Variants in ZSWIM6 observed in about 807,000 individuals in gnomAD.
ZSWIM6 encodes the protein zinc finger SWIM-type containing 6, also known as zinc finger SWIM domain-containing protein 6.
ZSWIM6 carries 9 observed loss-of-function variants against 113.2 expected under a neutral mutation model. The ratio of observed to expected loss-of-function variants is 0.08; its 90% CI spans 0.05 to 0.14. The LOEUF (loss-of-function observed/expected upper bound fraction) is 0.14, where lower values mean the gene tolerates loss of function less well. Ranked by LOEUF, ZSWIM6 falls within the 10% of genes least tolerant of loss-of-function variation. ZSWIM6 has a pLI of 1.00. For missense variants in ZSWIM6, 1,162 were observed against 1,552.2 expected (o/e 0.75, Z 4.22); for synonymous variants, 611 against 606.5 (o/e 1.01, Z -0.11).
intron 1 of ZSWIM6, among the ~76,000 whole-genome samples, chr5:61,368,882 T>G (rs1354281794): frequency 6.6e-6 from 1 of 152,230 alleles, no homozygotes. Context: ...TATGAACTTC[T>G]GTAGCTCACT....
Position 61,412,021 on chromosome 5 carries a change from A to C in ZSWIM6, c.677-60660A>C, listed in dbSNP as rs899793961. 4.6e-5 allele frequency among the ~76,000 whole-genome samples: 7 copies of C among 152,356 alleles called. No homozygotes were observed. In the South Asian group the frequency reaches 1.4e-3, roughly 32 times the overall value. ...CAATGTAACCACAATAAATTGATTT[A>C]ATTTCAGCCCACAAGAAATGAAAAA... On this transcript the variant is annotated intron_variant, in intron 1 of 13. Transcript: ENST00000252744.
At chr5:61,542,897 G>T (rs191797142) in intron 13 of ZSWIM6, among the ~76,000 whole-genome samples, 1 of 152,244 alleles carries the variant, frequency 6.6e-6, no homozygotes, top group African/African-American at 2.4e-5. Flanking sequence ...GGGATATTGG[G>T]TCTGTGAACG....
Position 61,525,923 on chromosome 5 carries a change from A to G in ZSWIM6, c.1637A>G (p.His546Arg), listed in dbSNP as rs766238385. The stretch of plus-strand genomic sequence containing the variant: ...GACCTATACACCAACTACTGTTACC[A>G]TGACGACACTGAAAACTCCCTCTTC... Reference protein sequence around the residue: ...SSDLYTNYCYHDDTENSLFDS... With the variant: ...SSDLYTNYCYRDDTENSLFDS... Residue 546 changes from histidine to arginine, a missense_variant, in exon 6 of 14, where the codon CAT becomes CGT. Transcript: ENST00000252744. The G allele has an allele frequency of 3.2e-6, 5 of 1,552,202 alleles. No homozygotes were observed. Among genetic ancestry groups the G allele is most frequent in the Middle Eastern group, 1.7e-4 (1 of 5,996 alleles).
At chr5:61,386,649 A>C (rs1201355106) in intron 1 of ZSWIM6, among the ~76,000 whole-genome samples, 1 of 152,194 alleles carries the variant, frequency 6.6e-6, no homozygotes, top group East Asian at 1.9e-4. Flanking sequence ...TGGTAGAATT[A>C]GGGCTTTGAC....
At chr5:61,530,613 C>G (rs1749404490) in intron 8 of ZSWIM6, among the ~76,000 whole-genome samples, 1 of 152,176 alleles carries the variant, frequency 6.6e-6, no homozygotes, top group Non-Finnish European at 1.5e-5. Context: ...TTTTAGTCTA[C>G]TTTAAGGGGG....
intron 2 of ZSWIM6, 106 bp downstream of exon 2, chr5:61,473,143 C>T: frequency 1.4e-6 from 1 of 721,274 alleles, no homozygotes; most frequent in Non-Finnish European, 2.1e-6. Context: ...AGATCATCAG[C>T]ATTGCTCTTA....
At position 61,544,803 on chromosome 5, in the gene ZSWIM6, A is replaced by G. The variant is rs1749844086; in HGVS notation, c.*486A>G. On this transcript the variant is annotated 3_prime_UTR_variant, in exon 14 of 14. Transcript: ENST00000252744. ...TTTAAACAAACCAACAAAATGAAAT[A>G]CTAATAGTAAAAAGGCTGACCCATG... 1 of 152,298 alleles carries G rather than the reference A, an allele frequency of 6.6e-6. No individual in the cohort carries two copies. The highest frequency in any genetic ancestry group is 2.4e-5 in the African/African-American group (1 of 41,438). 9.4% of individuals were successfully genotyped at this position (152,298 alleles called of 1,614,324 possible).
At chr5:61,435,581 A>G (rs1193427937) in intron 1 of ZSWIM6, among the ~76,000 whole-genome samples, 3 of 152,234 alleles carry the variant, frequency 2.0e-5, no homozygotes, top group African/African-American at 4.8e-5. Flanking sequence ...CTTCTGATAG[A>G]TGTTCCAAAT....
chr5:61,459,021 G>A (rs1239474758), intron 1 of ZSWIM6, among the ~76,000 whole-genome samples: 2 of 152,030 alleles, frequency 1.3e-5, no homozygotes, highest in Non-Finnish European at 2.9e-5. Context: ...ACACATATTT[G>A]ATTCTGAAGC....
At chr5:61,521,058 T>G (rs1749103026) in intron 4 of ZSWIM6, among the ~76,000 whole-genome samples, 1 of 152,110 alleles carries the variant, frequency 6.6e-6, no homozygotes, top group East Asian at 1.9e-4. Flanking sequence ...TAAGGAGAAT[T>G]AAGTTATAAA....
At chr5:61,393,212 T>C (rs188564131) in intron 1 of ZSWIM6, among the ~76,000 whole-genome samples, 1 of 151,366 alleles carries the variant, frequency 6.6e-6, no homozygotes, top group Non-Finnish European at 1.5e-5. Context: ...GACTAATTTT[T>C]TTTTTTTGTA....
chr5:61,543,920 A>G lies in ZSWIM6; in HGVS notation c.3251A>G (p.Lys1084Arg). Residue 1084 changes from lysine (K) to arginine (R), a missense_variant, in exon 14 of 14, where the codon AAA (lysine) becomes AGA (arginine). Around this residue, in one of 4 missense-constraint regions of ZSWIM6, gnomAD observed 113 missense variants for 213.8 expected, o/e 0.53. Transcript: ENST00000252744. This position sits in a 1 kb window ranked among gnomAD's most constrained non-coding sequence, Gnocchi z 4.3. ...WACALSHSLG[K>R]NELAAIIPLV... is the part of the protein sequence containing the mutation. ...TGTGCGCTTAGCCACTCCCTTGGTAAAAATGAGCTTGCAGCTATAATACCT... is the reference window on the plus strand; with the variant it reads ...TGTGCGCTTAGCCACTCCCTTGGTAGAAATGAGCTTGCAGCTATAATACCT... 1 of 1,551,862 alleles carries G rather than the reference A, an allele frequency of 6.4e-7. No homozygotes were observed. Among genetic ancestry groups the G allele is most frequent in the East Asian group, 2.4e-5 (1 of 40,914 alleles).
chr5:61,417,189 A>G (rs1746276042), intron 1 of ZSWIM6, among the ~76,000 whole-genome samples: 1 of 152,216 alleles, frequency 6.6e-6, no homozygotes, highest in Non-Finnish European at 1.5e-5. Flanking sequence ...ATCTGCCTGT[A>G]GACTAATGGA....
rs760079769 is a variant in ZSWIM6 at position 61,538,840 on chromosome 5, C to T, written c.2408C>T (p.Pro803Leu). 3.9e-6 allele frequency: 6 copies of T among 1,552,042 alleles called. No individual in the cohort carries two copies. The highest frequency in any genetic ancestry group is 5.2e-6 in the Non-Finnish European group (6 of 1,146,990). ...MRLLVLESTA[P>L]SGDLTRPHHI... is the part of the protein sequence containing the mutation. Reference sequence around the variant, plus strand: ...TTACTAGTATTGGAATCTACTGCTCCATCAGGAGACCTCACCCGCCCACAC... The same window carrying T: ...TTACTAGTATTGGAATCTACTGCTCTATCAGGAGACCTCACCCGCCCACAC... The change falls in exon 11 of 14, where the codon CCA (proline) becomes CTA (leucine). Residue 803 changes from proline (P) to leucine (L), a missense_variant. This residue lies in a region of ZSWIM6 where 620 missense variants were observed against 804.6 expected (regional missense o/e 0.77). Transcript: ENST00000252744.
intron 1 of ZSWIM6, among the ~76,000 whole-genome samples, chr5:61,465,259 A>G (rs1261149320): frequency 6.6e-6 from 1 of 152,170 alleles, no homozygotes; most frequent in Non-Finnish European, 1.5e-5. Context: ...CCCCCTCCCC[A>G]ACTGCCCACC....
chr5:61,470,084 G>C (rs1335436154), intron 1 of ZSWIM6, among the ~76,000 whole-genome samples: 3 of 152,162 alleles, frequency 2.0e-5, no homozygotes, highest in Admixed American at 6.5e-5. Flanking sequence ...TTAACGCTTG[G>C]ATCCTTAATT....
At chr5:61,494,185 T>C (rs1316655389) in intron 3 of ZSWIM6, 75 bp from the exon 4 acceptor site, 1 of 1,458,750 alleles carries the variant, frequency 6.9e-7, no homozygotes, top group African/African-American at 1.4e-5. Flanking sequence ...TGGTGGTTTG[T>C]CTCTTGTGTT....
chr5:61,545,906 T>G lies in ZSWIM6; in HGVS notation c.*1589T>G, dbSNP rs1204499533. On this transcript the variant is annotated 3_prime_UTR_variant, in exon 14 of 14. Transcript: ENST00000252744. The stretch of plus-strand genomic sequence containing the variant: ...AAGTTGTCCAGTGTCTCTTGTTCCC[T>G]TCACTAGAGAACATGCTTAGAGGTA... The G allele has an allele frequency of 2.0e-5, 3 of 152,178 alleles. No homozygotes were observed. Among genetic ancestry groups the G allele is most frequent in the African/African-American group, 2.4e-5 (1 of 41,442 alleles). The allele number at this position is 152,178 out of a possible 1,614,324, so 9.4% of individuals were successfully genotyped here.
intron 1 of ZSWIM6, among the ~76,000 whole-genome samples, chr5:61,386,697 G>T (rs1745597967): frequency 6.6e-6 from 1 of 152,174 alleles, no homozygotes; most frequent in Non-Finnish European, 1.5e-5. Flanking sequence ...AAACTTGAGT[G>T]TTGCTAATCA....
Sources: gnomAD v4.1 joint callset for allele counts (sites outside exome capture counted in the v4.1 genomes callset) on GRCh38, gnomAD v4.1.1 for gene constraint, gnomAD v4.1.1 regional missense constraint, Gnocchi (gnomAD v3.1) non-coding constraint, MANE v1.5 for transcripts, NCBI Gene and HGNC (gene_info 2026-07-23, HGNC 2026-07-21) for gene names.